PDE10A: variants seen among roughly 807,000 people sequenced by gnomAD.
The protein encoded by PDE10A is phosphodiesterase 10A, also known as cAMP and cAMP-inhibited cGMP 3',5'-cyclic phosphodiesterase 10A.
In PDE10A, 39 loss-of-function variants were observed where a neutral mutation model predicts 97.7. The observed-to-expected ratio is 0.40, with a 90% CI of 0.31 to 0.52. PDE10A has a LOEUF of 0.52. Ranked by LOEUF, PDE10A falls within the 20% of genes least tolerant of loss-of-function variation. The pLI, the probability that PDE10A is intolerant of heterozygous loss-of-function variation, is 0.56. For synonymous variants in PDE10A, 371 were observed against 376.8 expected, an observed-to-expected ratio of 0.98 and a Z score of 0.18; for missense variants, 731 against 1,047.8, an observed-to-expected ratio of 0.70 and a Z score of 4.17.
At chr6:165,970,567 T>C (rs1240482705) in intron 1 of PDE10A, among the ~76,000 whole-genome samples, 1 of 152,136 alleles carries the variant, frequency 6.6e-6, no homozygotes. Context: ...GTTTAAAAGA[T>C]TTAATAGAAG....
At chr6:165,852,673 G>T (rs886616367) in intron 1 of PDE10A, among the ~76,000 whole-genome samples, 1 of 152,204 alleles carries the variant, frequency 6.6e-6, no homozygotes, top group Non-Finnish European at 1.5e-5. Context: ...GTCATGGAGA[G>T]GGATGGTGAG....
At chr6:165,787,257 C>A (rs557971044) in intron 1 of PDE10A, among the ~76,000 whole-genome samples, 1 of 152,108 alleles carries the variant, frequency 6.6e-6, no homozygotes, top group African/African-American at 2.4e-5. Context: ...AGACAAAAGA[C>A]CCACAAGTTC....
At chr6:165,570,201 GA>G (rs975330282) in intron 1 of PDE10A, among the ~76,000 whole-genome samples, 4 of 151,902 alleles carry the variant, frequency 2.6e-5, no homozygotes, top group Admixed American at 2.6e-4. Flanking sequence ...TCTCCTTTCT[GA>G]AAAAAAGTAT....
chr6:165,961,323 G>A (rs968319499), intron 1 of PDE10A, among the ~76,000 whole-genome samples: 17 of 152,176 alleles, frequency 1.1e-4, no homozygotes, highest in South Asian at 4.1e-4. Context: ...CAAGCAAGTC[G>A]TTAACCTTTC....
intron 1 of PDE10A, among the ~76,000 whole-genome samples, chr6:165,902,301 C>T (rs1019738385): frequency 1.4e-4 from 22 of 152,218 alleles, no homozygotes; most frequent in African/African-American, 4.8e-4. Context: ...TTTGCTTCCT[C>T]GGCTGGATTT....
chr6:165,576,339 G>A (rs1785303549), intron 1 of PDE10A: 1 of 775,628 alleles, frequency 1.3e-6, no homozygotes, highest in East Asian at 2.4e-5. Context: ...GAGCTATAGA[G>A]TACTAGTTTG....
chr6:165,754,724 C>T (rs547008676), intron 1 of PDE10A, among the ~76,000 whole-genome samples: 2 of 152,222 alleles, frequency 1.3e-5, no homozygotes, highest in Admixed American at 6.5e-5. Flanking sequence ...ACTTAACCTC[C>T]TAAAGCTTCA....
chr6:165,823,506 A>C (rs1232067940), intron 1 of PDE10A, among the ~76,000 whole-genome samples: 1 of 96,150 alleles, frequency 1.0e-5, no homozygotes, highest in Non-Finnish European at 2.4e-5. Context: ...ATATATATAT[A>C]TATATATATA....
chr6:165,920,538 G>A (rs1371634075), intron 1 of PDE10A, among the ~76,000 whole-genome samples: 1 of 139,280 alleles, frequency 7.2e-6, no homozygotes, highest in African/African-American at 2.7e-5. Flanking sequence ...TTCTAAGACT[G>A]GGCTTACACA....
At chr6:165,631,693 C>T (rs1788638425) in intron 1 of PDE10A, among the ~76,000 whole-genome samples, 1 of 152,208 alleles carries the variant, frequency 6.6e-6, no homozygotes, top group Non-Finnish European at 1.5e-5. Context: ...TAAATCAGAA[C>T]TCTCAGTAAT....
chr6:165,494,631 C>A (rs916933017), intron 2 of PDE10A, among the ~76,000 whole-genome samples: 2 of 151,770 alleles, frequency 1.3e-5, no homozygotes, highest in African/African-American at 2.4e-5. Flanking sequence ...CCACATTTTG[C>A]ATTCCAAATT....
chr6:165,410,472 G>A (rs539550317), intron 13 of PDE10A, among the ~76,000 whole-genome samples: 32 of 124,710 alleles, frequency 2.6e-4, no homozygotes, highest in Admixed American at 2.5e-3. Context: ...AAAAAGTTCC[G>A]AAGATGAAAA....
chr6:165,629,542 T>A (rs369369868), intron 1 of PDE10A, among the ~76,000 whole-genome samples: 153 of 81,520 alleles, frequency 1.9e-3, no homozygotes, highest in South Asian at 4.7e-3. Context: ...TTTTTTTTTT[T>A]TAAAACAGGG....
intron 13 of PDE10A, among the ~76,000 whole-genome samples, chr6:165,407,664 T>C (rs1345498075): frequency 6.6e-6 from 1 of 152,242 alleles, no homozygotes; most frequent in Non-Finnish European, 1.5e-5. Context: ...ATAGCAAATT[T>C]TGTTCATGCC....
chr6:165,402,218 T>G (rs1397805339), intron 13 of PDE10A, among the ~76,000 whole-genome samples: 1 of 152,148 alleles, frequency 6.6e-6, no homozygotes, highest in African/African-American at 2.4e-5. Context: ...ATTTTATTTC[T>G]ATTATTTTTA....
intron 1 of PDE10A, among the ~76,000 whole-genome samples, chr6:165,716,228 T>C (rs1792023394): frequency 2.6e-5 from 4 of 152,176 alleles, no homozygotes; most frequent in African/African-American, 9.7e-5. Context: ...ATTCACAAAT[T>C]ATTGACTCAT....
At chr6:165,438,956 TA>T (rs10711465) in intron 5 of PDE10A, among the ~76,000 whole-genome samples, 59,605 of 132,660 alleles carry the variant, frequency 0.45, 12,896 homozygotes, top group South Asian at 0.56. Context: ...AGACCCTGCT[TA>T]AAAAAAAAAA....
At chr6:165,821,080 G>A (rs114684977) in intron 1 of PDE10A, among the ~76,000 whole-genome samples, 1 of 152,138 alleles carries the variant, frequency 6.6e-6, no homozygotes, top group African/African-American at 2.4e-5. Flanking sequence ...CTGCGGTGGG[G>A]CAGTGGCTGC....
chr6:165,722,303 A>G (rs1792185339), intron 1 of PDE10A, among the ~76,000 whole-genome samples: 1 of 152,220 alleles, frequency 6.6e-6, no homozygotes, highest in Non-Finnish European at 1.5e-5. Flanking sequence ...TGTGTTTATA[A>G]TGACAGCCCA....
Sources: gnomAD v4.1 joint callset for allele counts (sites outside exome capture counted in the v4.1 genomes callset) on GRCh38, gnomAD v4.1.1 for gene constraint, MANE v1.5 for transcripts, NCBI Gene and HGNC (gene_info 2026-07-23, HGNC 2026-07-21) for gene names.